The following ST18 variants were observed in gnomAD, a reference collection of about 807,000 sequenced individuals.
ST18 encodes suppression of tumorigenicity 18 protein.
ST18 carries 50 observed loss-of-function variants against 110.0 expected under a neutral mutation model. The observed-to-expected ratio is 0.45, with a 90% confidence interval of 0.36 to 0.58. The LOEUF (loss-of-function observed/expected upper bound fraction) is 0.58. Ranked by LOEUF, ST18 falls within the 20% of genes least tolerant of loss-of-function variation. The probability of loss-of-function intolerance (pLI) is 0.00; values close to 1 mark genes in which losing one functional copy is unlikely to be tolerated. For missense variants in ST18, 1,306 were observed against 1,280.1 expected (o/e 1.02, Z -0.31); for synonymous variants, 461 against 452.4 (o/e 1.02, Z -0.24).
rs745818812 is a variant in ST18 at position 52,165,150 on chromosome 8, C to T, written c.1280G>A (p.Arg427His). The change falls in exon 12 of 26, where the codon CGC becomes CAC. Residue 427 changes from arginine (R) to histidine (H), a missense_variant. Arg to His is a conservative substitution (Grantham distance 29). Transcript: ENST00000689386. ...CTGRGHVNSN[R>H]NTHRSLSGCP... ...TGAGAATTACCTCCTGTGGGTGTTGCGGTTGCTGTTCACATGACCCCTTCC... is the reference window on the plus strand; with the variant it reads ...TGAGAATTACCTCCTGTGGGTGTTGTGGTTGCTGTTCACATGACCCCTTCC... 4.3e-6 allele frequency: 7 copies of T among 1,613,990 alleles called. No individual in the cohort carries two copies. Among genetic ancestry groups the T allele is most frequent in the African/African-American group, 2.7e-5 (2 of 74,918 alleles).
chr8:52,320,765 T>G (rs1803529069), intron 2 of ST18, among the ~76,000 whole-genome samples: 2 of 152,178 alleles, frequency 1.3e-5, no homozygotes, highest in African/African-American at 2.4e-5. Flanking sequence ...TTGAAACAAT[T>G]TGGTAACACC....
rs146819673 is a variant in ST18 at position 52,285,338 on chromosome 8, G to A, written c.-464-55261C>T. 5.8e-3 allele frequency among the ~76,000 whole-genome samples: 877 copies of A among 152,280 alleles called. 5 individuals carry two copies. Among genetic ancestry groups the A allele is most frequent in the African/African-American group, 0.02 (832 of 41,558 alleles). On this transcript the variant is annotated intron_variant, in intron 2 of 25. Transcript: ENST00000689386. Reference sequence around the variant, plus strand: ...AGGCTAAAAATATTATTCCTTACATGTAATGACGATGGAACTTCTTGTTCC... The same window carrying A: ...AGGCTAAAAATATTATTCCTTACATATAATGACGATGGAACTTCTTGTTCC...
Position 52,289,539 on chromosome 8 carries a change from C to T in ST18, c.-464-59462G>A, listed in dbSNP as rs187528619. Among the ~76,000 whole-genome samples, 66 of 152,254 alleles carry T rather than the reference C, an allele frequency of 4.3e-4. 2 individuals are homozygous for T. The East Asian group carries it at 8.5e-3, about 20-fold the overall frequency. ...TATGAACTAAGAAGACTTCAGGAAG[C>T]GGGAAGTTTTGCCCATAATACCCCA... On this transcript the variant is annotated intron_variant, in intron 2 of 25. Transcript: ENST00000689386.
intron 2 of ST18, among the ~76,000 whole-genome samples, chr8:52,269,107 C>T (rs984914104): frequency 6.6e-6 from 1 of 152,210 alleles, no homozygotes; most frequent in Non-Finnish European, 1.5e-5. Context: ...GGATATTCTT[C>T]AAACACTATC....
intron 2 of ST18, among the ~76,000 whole-genome samples, chr8:52,364,672 G>A (rs1590276104): frequency 6.6e-6 from 1 of 152,232 alleles, no homozygotes; most frequent in African/African-American, 2.4e-5. Context: ...TATTAAGCAA[G>A]TTTAATCATC....
chr8:52,326,398 G>A (rs939463962), intron 2 of ST18, among the ~76,000 whole-genome samples: 2 of 152,120 alleles, frequency 1.3e-5, no homozygotes, highest in Non-Finnish European at 2.9e-5. Flanking sequence ...AATGTTTATT[G>A]GTGTGACCTT....
chr8:52,314,636 G>T (rs2095988850), intron 2 of ST18, among the ~76,000 whole-genome samples: 1 of 152,158 alleles, frequency 6.6e-6, no homozygotes, highest in South Asian at 2.1e-4. Flanking sequence ...CCAGGGTACT[G>T]AAAATGCCTG....
In ST18 at chr8:52,111,980, G is replaced by A. The variant is rs1216798938; in HGVS notation, c.*1218C>T. 6.6e-6 allele frequency: 1 copy of A among 152,384 alleles called. No homozygotes were observed. Among genetic ancestry groups the A allele is most frequent in the Non-Finnish European group, 1.5e-5 (1 of 67,982 alleles). 9.4% of individuals were successfully genotyped at this position (152,384 alleles called of 1,614,324 possible). A position where few individuals can be genotyped will look rare whatever the true frequency, so the allele number is the denominator to read the frequency against. The stretch of plus-strand genomic sequence containing the variant: ...TGTGTGTGTGTGTGTGTCTGTGTGT[G>A]AGTATGCCTGTGTGTGTGAGTGTGT... On this transcript the variant is annotated 3_prime_UTR_variant, in exon 26 of 26. Transcript: ENST00000689386.
At chr8:52,256,683 C>G (rs1181963612) in intron 2 of ST18, among the ~76,000 whole-genome samples, 1 of 152,138 alleles carries the variant, frequency 6.6e-6, no homozygotes, top group African/African-American at 2.4e-5. Flanking sequence ...ACATGGATTT[C>G]TAGCTGACAG....
At chr8:52,324,341 GGATA>G (rs1805335704) in intron 2 of ST18, among the ~76,000 whole-genome samples, 1 of 150,990 alleles carries the variant, frequency 6.6e-6, no homozygotes, top group African/African-American at 2.5e-5. Flanking sequence ...ATGGATGGAT[GGATA>G]AATGGATGAA....
At chr8:52,294,629 G>A (rs2139407352) in intron 2 of ST18, 1 of 152,372 alleles carries the variant, frequency 6.6e-6, no homozygotes, top group East Asian at 1.9e-4. Flanking sequence ...TTTAGCCTTG[G>A]CAGGCTTACA....
intron 2 of ST18, among the ~76,000 whole-genome samples, chr8:52,330,609 T>A (rs1808806333): frequency 6.6e-6 from 1 of 152,222 alleles, no homozygotes; most frequent in South Asian, 2.1e-4. Flanking sequence ...ATGGCTAGGT[T>A]GGAGTTTATG....
intron 8 of ST18, chr8:52,206,429 T>C (rs1166184655): frequency 1.3e-5 from 2 of 152,242 alleles, no homozygotes; most frequent in Non-Finnish European, 2.9e-5. Context: ...CCCAATATAT[T>C]TTAAGACACT....
Position 52,357,671 on chromosome 8 carries a change from CTATAAA to C in ST18, c.-465+51651_-465+51656del, listed in dbSNP as rs1332399622. On this transcript the variant is annotated intron_variant, in intron 2 of 25. Coordinates refer to ENST00000689386, the MANE Select transcript of ST18 (RefSeq NM_001352837.2). ...TTTACACATAACAAATCCCCAAAAT[CTATAAA>C]TATATATATATATATATATATATAT... Among the ~76,000 whole-genome samples, 152 of 59,994 alleles carry C rather than the reference CTATAAA, an allele frequency of 2.5e-3. 3 individuals carry two copies. Among genetic ancestry groups the C allele is most frequent in the African/African-American group, 7.3e-3 (140 of 19,184 alleles). The allele number at this position is 59,994 out of a possible 152,430, so 39.4% of individuals were successfully genotyped here. A position where few individuals can be genotyped will look rare whatever the true frequency, so the allele number is the denominator to read the frequency against.
intron 2 of ST18, among the ~76,000 whole-genome samples, chr8:52,259,317 T>C (rs927681222): frequency 1.3e-5 from 2 of 152,174 alleles, no homozygotes; most frequent in South Asian, 2.1e-4. Flanking sequence ...GATTCAGGTG[T>C]AGGCAGCACA....
intron 2 of ST18, among the ~76,000 whole-genome samples, chr8:52,318,892 GGGT>G (rs751556095): frequency 6.6e-5 from 10 of 151,698 alleles, no homozygotes; most frequent in Non-Finnish European, 1.3e-4. Flanking sequence ...ACACATGGGG[GGGT>G]GGGACAACAA....
chr8:52,210,588 T>A (rs1246778950), intron 8 of ST18, among the ~76,000 whole-genome samples: 1 of 151,538 alleles, frequency 6.6e-6, no homozygotes, highest in Non-Finnish European at 1.5e-5. Context: ...AGCCCAGGAG[T>A]TTTAGGCTGC....
intron 2 of ST18, among the ~76,000 whole-genome samples, chr8:52,317,865 T>C (rs772602486): frequency 2.6e-5 from 4 of 152,364 alleles, no homozygotes; most frequent in Non-Finnish European, 4.4e-5. Context: ...CTTAGAAATA[T>C]TACGTGGAAT....
chr8:52,232,803 G>C (rs1003635342), intron 2 of ST18, among the ~76,000 whole-genome samples: 1 of 151,834 alleles, frequency 6.6e-6, no homozygotes, highest in Non-Finnish European at 1.5e-5. Context: ...ATATCTTTCA[G>C]TAAAGAGATG....
Sources: gnomAD v4.1 joint callset for allele counts (sites outside exome capture counted in the v4.1 genomes callset) on GRCh38, gnomAD v4.1.1 for gene constraint, MANE v1.5 for transcripts, NCBI Gene and HGNC (gene_info 2026-07-23, HGNC 2026-07-21) for gene names.